Variants in CFAP54 observed in about 807,000 individuals in gnomAD.
The protein encoded by CFAP54 is cilia- and flagella-associated protein 54.
CFAP54 carries 290 observed loss-of-function variants against 370.4 expected under a neutral mutation model. That is an observed-to-expected ratio of 0.78 (90% CI 0.71 to 0.86). CFAP54 has a LOEUF of 0.86. Among genes scored for constraint, CFAP54 ranks in the 40% least tolerant of loss-of-function variants. CFAP54 has a pLI of 0.00. For missense variants in CFAP54, 3,399 were observed against 3,528.7 expected, an observed-to-expected ratio of 0.96 and a Z score of 0.93; for synonymous variants, 1,206 against 1,236.5, an observed-to-expected ratio of 0.98 and a Z score of 0.52.
At chr12:96,664,713 ATCTATATATATC>A (rs1565934228) in intron 39 of CFAP54, among the ~76,000 whole-genome samples, 2,290 of 26,580 alleles carry the variant, frequency 0.086, 124 homozygotes, top group African/African-American at 0.14. Context: ...ATATATATAT[ATCTATATATATC>A]TATATATATA....
At chr12:96,723,872 C>G (rs11108654) in intron 50 of CFAP54, among the ~76,000 whole-genome samples, 4,429 of 133,010 alleles carry the variant, frequency 0.033, 161 homozygotes, top group African/African-American at 0.095. Flanking sequence ...TGTTCCCCTT[C>G]CTGTGTCCAT....
intron 25 of CFAP54, among the ~76,000 whole-genome samples, chr12:96,594,930 T>C (rs1458865028): frequency 6.6e-6 from 1 of 152,172 alleles, no homozygotes; most frequent in Admixed American, 6.5e-5. Flanking sequence ...CATATCACCA[T>C]GGATTTAGTG....
At chr12:96,870,144 G>T (rs148081673) in intron 67 of CFAP54, among the ~76,000 whole-genome samples, 1 of 150,678 alleles carries the variant, frequency 6.6e-6, no homozygotes, top group African/African-American at 2.4e-5. Flanking sequence ...GCCTGTAGTC[G>T]CAGCTACTCT....
At chr12:96,535,170 C>G (rs1050384747) in intron 11 of CFAP54, among the ~76,000 whole-genome samples, 1 of 151,956 alleles carries the variant, frequency 6.6e-6, no homozygotes, top group Non-Finnish European at 1.5e-5. Flanking sequence ...CTGCCTCAGC[C>G]TCCCGAGTAG....
At chr12:96,717,766 T>G (rs570533326) in intron 48 of CFAP54, among the ~76,000 whole-genome samples, 1 of 152,250 alleles carries the variant, frequency 6.6e-6, no homozygotes, top group Non-Finnish European at 1.5e-5. Flanking sequence ...CATGGAGATC[T>G]TATTGAAATG....
chr12:96,789,487 G>A (rs930774121), intron 62 of CFAP54, among the ~76,000 whole-genome samples: 2 of 152,200 alleles, frequency 1.3e-5, no homozygotes, highest in African/African-American at 4.8e-5. Flanking sequence ...GGAGTAGGGG[G>A]CAGAGGACGG....
intron 46 of CFAP54, among the ~76,000 whole-genome samples, chr12:96,703,646 T>C (rs773867049): frequency 2.6e-4 from 39 of 151,748 alleles, no homozygotes; most frequent in Non-Finnish European, 5.0e-4. Flanking sequence ...GAGCCAAATA[T>C]AATGACAAGT....
intron 60 of CFAP54, among the ~76,000 whole-genome samples, chr12:96,776,537 G>GT (rs1187708902): frequency 1.3e-5 from 2 of 152,152 alleles, no homozygotes; most frequent in Admixed American, 6.5e-5. Flanking sequence ...GCAATATAAT[G>GT]TTTTGGTTGA....
At chr12:96,535,052 G>GTTTA (rs1243466427) in intron 11 of CFAP54, among the ~76,000 whole-genome samples, 10 of 128,922 alleles carry the variant, frequency 7.8e-5, no homozygotes, top group South Asian at 2.4e-4. Flanking sequence ...GTGTGTGTGT[G>GTTTA]TTTATTTATT....
Position 96,640,219 on chromosome 12 carries a change from A to T in CFAP54, c.4317-3959A>T, listed in dbSNP as rs528893983. Among the ~76,000 whole-genome samples, 188 of 152,352 alleles carry T rather than the reference A, an allele frequency of 1.2e-3. 1 individual carries two copies. The highest frequency in any genetic ancestry group is 6.8e-3 in the Middle Eastern group (2 of 294). On this transcript the variant is annotated intron_variant, in intron 32 of 67. Transcript: ENST00000524981. ...CAAAATCTCCTTAAGCTGATAGGCA[A>T]CTTCAGCAAAGTCTCAGGATACGAA... is the stretch of plus-strand genomic sequence containing the variant.
intron 38 of CFAP54, among the ~76,000 whole-genome samples, chr12:96,661,615 T>C (rs1198582062): frequency 1.3e-5 from 2 of 152,210 alleles, no homozygotes; most frequent in Non-Finnish European, 2.9e-5. Context: ...TCCTGGAGAC[T>C]GCGGGCATGT....
At chr12:96,553,316 A>G (rs1221116635) in intron 15 of CFAP54, among the ~76,000 whole-genome samples, 1 of 152,092 alleles carries the variant, frequency 6.6e-6, no homozygotes, top group African/African-American at 2.4e-5. Flanking sequence ...AGAGTTTTAT[A>G]AAAGAGAATT....
chr12:96,687,312 C>T (rs1957340343), intron 42 of CFAP54, among the ~76,000 whole-genome samples: 1 of 152,190 alleles, frequency 6.6e-6, no homozygotes, highest in African/African-American at 2.4e-5. Context: ...GAGATTAGGG[C>T]ATGAATATCT....
chr12:96,784,630 G>T, intron 60 of CFAP54, 87 bp from the exon 61 acceptor site: 1 of 1,004,822 alleles, frequency 1.0e-6, no homozygotes, highest in East Asian at 2.8e-5. Flanking sequence ...TTTCCTTTAT[G>T]AGCTGTGCTT....
At chr12:96,682,141 G>A in intron 40 of CFAP54, 1 of 977,386 alleles carries the variant, frequency 1.0e-6, no homozygotes. Context: ...CATGAATTTA[G>A]GAGAGAAAGG....
rs181987529 is a variant in CFAP54, at chr12:96,786,755, C to T, written c.8536C>T (p.Arg2846Cys). 280 of 1,535,764 alleles carry T rather than the reference C, an allele frequency of 1.8e-4. 1 individual carries two copies. The highest frequency in any genetic ancestry group is 6.1e-4 in the Admixed American group (31 of 50,972). The stretch of plus-strand genomic sequence containing the variant: ...CCTTTACAACTCTGAGTTGATTTTG[C>T]GCCAGAAAGAAGTGCATTTTTTCCT... The part of the protein sequence containing the change: ...TSLYNSELIL[R>C]QKEVHFFLKK... The change falls in exon 62 of 68, where the codon CGC becomes TGC. Residue 2846 changes from arginine to cysteine, a missense_variant. By Grantham distance (180) the Arg-to-Cys change is radical. This residue lies in a region of CFAP54 where 2,796 missense variants were observed against 2,869.7 expected (regional missense o/e 0.97). Coordinates refer to ENST00000524981, the MANE Select transcript of CFAP54 (RefSeq NM_001306084.2).
intron 63 of CFAP54, among the ~76,000 whole-genome samples, chr12:96,799,408 C>T (rs939893229): frequency 1.3e-5 from 2 of 152,146 alleles, no homozygotes; most frequent in Non-Finnish European, 2.9e-5. Context: ...CTTGCACTTC[C>T]CAGCTCTTGA....
At chr12:96,740,813 G>T (rs534943188) in intron 51 of CFAP54, among the ~76,000 whole-genome samples, 1 of 152,230 alleles carries the variant, frequency 6.6e-6, no homozygotes, top group South Asian at 2.1e-4. Context: ...GGGAAATTTG[G>T]CAATGTCTGG....
Position 96,491,749 on chromosome 12 carries a change from A to T in CFAP54, c.317+1823A>T, listed in dbSNP as rs1193378609. 2.0e-5 allele frequency among the ~76,000 whole-genome samples: 3 copies of T among 151,752 alleles called. No individual in the cohort carries two copies. The East Asian group carries it at 5.8e-4, about 29-fold the overall frequency. ...ACCAAGGAAAGCCCATTATATACCT[A>T]CTCTATATGCTTTATTTATTTATTT... On this transcript the variant is annotated intron_variant, in intron 1 of 67. Transcript: ENST00000524981.
Sources: allele counts gnomAD v4.1 joint callset (sites outside exome capture counted in the v4.1 genomes callset), GRCh38; gene constraint gnomAD v4.1.1; regional missense constraint gnomAD v4.1.1; transcripts MANE v1.5; gene names NCBI Gene and HGNC (gene_info 2026-07-23, HGNC 2026-07-21).